The following CFH variants were observed in gnomAD, a reference collection of about 807,000 sequenced individuals.
CFH encodes H factor 1 (complement).
In CFH, 53 loss-of-function variants were observed where a neutral mutation model predicts 147.3. That is an observed-to-expected ratio of 0.36 (90% CI 0.29 to 0.45). The LOEUF is 0.45. Ranked by LOEUF, CFH falls within the 20% of genes least tolerant of loss-of-function variation. The pLI, the probability that CFH is intolerant of heterozygous loss-of-function variation, is 1.00. For synonymous variants in CFH, 536 were observed against 489.4 expected (o/e 1.10, Z -1.26); for missense variants, 1,380 against 1,498.0 (o/e 0.92, Z 1.30).
intron 11 of CFH, among the ~76,000 whole-genome samples, chr1:196,723,282 T>C (rs962365923): frequency 3.3e-5 from 5 of 152,124 alleles, no homozygotes; most frequent in Non-Finnish European, 7.3e-5. Flanking sequence ...GTATGTTGTA[T>C]AGGGCTATTT....
chr1:196,727,847 C>T (rs751078083), intron 14 of CFH, among the ~76,000 whole-genome samples: 8 of 152,138 alleles, frequency 5.3e-5, no homozygotes, highest in Non-Finnish European at 1.0e-4. Flanking sequence ...ATCTCATTGA[C>T]GGACTTCACA....
intron 9 of CFH, chr1:196,700,990 T>G: frequency 2.7e-6 from 1 of 371,884 alleles, no homozygotes; most frequent in Non-Finnish European, 3.7e-6. Context: ...TTTGAGGTCT[T>G]GTTGACACTC....
intron 9 of CFH, among the ~76,000 whole-genome samples, chr1:196,692,897 CCCTCCCTTCCTTCCTTCCTTCCTT>C (rs1196334208): frequency 1.5e-5 from 1 of 68,934 alleles, no homozygotes; most frequent in African/African-American, 7.4e-5. Flanking sequence ...CTCCCTCCCT[CCCTCCCTTCCTTCCTTCCTTCCTT>C]CCTTCCTTCC....
chr1:196,727,866 C>T (rs1246938874), intron 14 of CFH, among the ~76,000 whole-genome samples: 1 of 152,150 alleles, frequency 6.6e-6, no homozygotes, highest in Non-Finnish European at 1.5e-5. Context: ...CACTGTAAAT[C>T]TCATGTCTTG....
chr1:196,735,703 T>C (rs981595231), intron 15 of CFH, among the ~76,000 whole-genome samples: 1 of 152,032 alleles, frequency 6.6e-6, no homozygotes, highest in Non-Finnish European at 1.5e-5. Context: ...CAAGCATAAA[T>C]AGTTGACCAT....
chr1:196,726,221 T>G (rs1054671618), intron 12 of CFH, among the ~76,000 whole-genome samples: 7 of 152,302 alleles, frequency 4.6e-5, no homozygotes, highest in Non-Finnish European at 7.4e-5. Context: ...CCACATTTGC[T>G]AATTGGTTTT....
In CFH at chr1:196,715,815, T is replaced by A. The variant is rs753329395; in HGVS notation, c.1696+46T>A. On this transcript the variant is annotated intron_variant, in intron 11 of 21. Transcript: ENST00000367429. ...AATTCATTTTCAAAATGAAAATAAA[T>A]CTGTTTTCCAATTTTAAAAATTTGA... The A allele has an allele frequency of 3.3e-6, 5 of 1,531,640 alleles. No homozygotes were observed. In the South Asian group the frequency reaches 4.7e-5, roughly 15 times the overall value. 94.9% of individuals were successfully genotyped at this position (1,531,640 alleles called of 1,614,324 possible). A position where few individuals can be genotyped will look rare whatever the true frequency, so the allele number is the denominator to read the frequency against.
At chr1:196,737,739 ATAAT>A in intron 17 of CFH, 79 bp downstream of exon 17, 1 of 1,154,898 alleles carries the variant, frequency 8.7e-7, no homozygotes, top group African/African-American at 1.5e-5. Flanking sequence ...AGTGAGGGGA[ATAAT>A]TGAGATTACT....
intron 6 of CFH, among the ~76,000 whole-genome samples, chr1:196,681,470 T>TCACA (rs3043111): frequency 0.19 from 28,566 of 147,982 alleles, 3,155 homozygotes; most frequent in East Asian, 0.37. Flanking sequence ...ACTAATTGAT[T>TCACA]CACACACACA....
Position 196,728,337 on chromosome 1 carries a change from A to C in CFH, c.2237-9A>C, listed in dbSNP as rs1465653316. The C allele has an allele frequency of 1.4e-6, 2 of 1,390,432 alleles. No individual in the cohort carries two copies. Among genetic ancestry groups the C allele is most frequent in the South Asian group, 2.8e-5 (2 of 70,710 alleles). 86.1% of individuals were successfully genotyped at this position (1,390,432 alleles called of 1,614,324 possible). On this transcript the variant is annotated splice_polypyrimidine_tract_variant and intron_variant, in intron 14 of 21. Transcript: ENST00000367429. ...TTTGAATTTTCATAAAAATATATTT[A>C]TTTTATAGCAATAGATAAACTTAAG...
intron 9 of CFH, among the ~76,000 whole-genome samples, chr1:196,706,144 T>TA (rs1668583698): frequency 6.6e-6 from 1 of 151,948 alleles, no homozygotes; most frequent in Admixed American, 6.6e-5. Context: ...AGGCAGAACT[T>TA]AGAGTCCTAA....
At chr1:196,667,331 A>G (rs1156942627) in intron 1 of CFH, among the ~76,000 whole-genome samples, 1 of 152,228 alleles carries the variant, frequency 6.6e-6, no homozygotes, top group Non-Finnish European at 1.5e-5. Context: ...AAAGATGTGT[A>G]TAATTGGCTC....
chr1:196,723,349 A>G (rs1375242700), intron 11 of CFH, among the ~76,000 whole-genome samples: 1 of 152,036 alleles, frequency 6.6e-6, no homozygotes, highest in Non-Finnish European at 1.5e-5. Flanking sequence ...CCTTGGTTAG[A>G]GATAACTTTT....
At chr1:196,676,178 T>C in intron 4 of CFH, 113 bp downstream of exon 4, 1 of 658,468 alleles carries the variant, frequency 1.5e-6, no homozygotes, top group Non-Finnish European at 2.4e-6. Flanking sequence ...TAATGTTTTT[T>C]TTTCTCATAC....
intron 9 of CFH, among the ~76,000 whole-genome samples, chr1:196,696,316 C>A (rs1053129210): frequency 6.6e-6 from 1 of 152,138 alleles, no homozygotes; most frequent in Non-Finnish European, 1.5e-5. Flanking sequence ...TCATTCAAAA[C>A]TACACAACTA....
chr1:196,742,817 G>A (rs1311362786), intron 19 of CFH, among the ~76,000 whole-genome samples: 1 of 152,088 alleles, frequency 6.6e-6, no homozygotes, highest in African/African-American at 2.4e-5. Context: ...GCATTGTTCA[G>A]CATAATATCC....
At chr1:196,714,701 A>AGAGAGAGAGAGGGG (rs1553278117) in intron 10 of CFH, among the ~76,000 whole-genome samples, 1 of 69,246 alleles carries the variant, frequency 1.4e-5, no homozygotes, top group African/African-American at 6.4e-5. Flanking sequence ...AGAGAGAGAG[A>AGAGAGAGAGAGGGG]GAGAGAGAGA....
At chr1:196,664,876 T>C (rs865871228) in intron 1 of CFH, among the ~76,000 whole-genome samples, 1 of 152,054 alleles carries the variant, frequency 6.6e-6, no homozygotes, top group African/African-American at 2.4e-5. Flanking sequence ...AAATTGAAAT[T>C]ATTTGTCAAC....
intron 14 of CFH, 21 bp from the exon 15 acceptor site, chr1:196,728,324 TA>T: frequency 1.5e-6 from 2 of 1,344,168 alleles, no homozygotes; most frequent in South Asian, 1.5e-5. Context: ...TGAATTTTCA[TA>T]AAAATATATT....
Sources: allele counts gnomAD v4.1 joint callset (sites outside exome capture counted in the v4.1 genomes callset), GRCh38; gene constraint gnomAD v4.1.1; transcripts MANE v1.5; gene names NCBI Gene and HGNC (gene_info 2026-07-23, HGNC 2026-07-21).